Variants in ORC4 observed in about 807,000 individuals in gnomAD.
ORC4 encodes origin recognition complex subunit 4.
In ORC4, 55 loss-of-function variants were observed where a neutral mutation model predicts 63.9. That is an observed-to-expected ratio of 0.86 (90% confidence interval 0.69 to 1.08). The LOEUF (loss-of-function observed/expected upper bound fraction) is 1.08. Among genes scored for constraint, ORC4 ranks in the 50% least tolerant of loss-of-function variants. ORC4 has a pLI of 0.00. For synonymous variants in ORC4, 150 were observed against 168.5 expected (o/e 0.89, Z 0.85); for missense variants, 511 against 504.4 (o/e 1.01, Z -0.13).
intron 1 of ORC4, among the ~76,000 whole-genome samples, chr2:147,983,423 T>C (rs954904192): frequency 5.3e-5 from 8 of 152,198 alleles, no homozygotes; most frequent in Non-Finnish European, 1.0e-4. Flanking sequence ...CTTCTGATAT[T>C]GGACAATGCC....
intron 1 of ORC4, among the ~76,000 whole-genome samples, chr2:148,012,766 T>C (rs1418545297): frequency 6.6e-6 from 1 of 151,944 alleles, no homozygotes; most frequent in South Asian, 2.1e-4. Flanking sequence ...AATCTGATTT[T>C]AAAATGGGCA....
chr2:147,988,822 G>T (rs1691389609), intron 1 of ORC4, among the ~76,000 whole-genome samples: 1 of 151,496 alleles, frequency 6.6e-6, no homozygotes, highest in African/African-American at 2.4e-5. Flanking sequence ...ACTTCATCTG[G>T]AATTTTAAAA....
At chr2:147,989,203 C>A (rs369478728) in intron 1 of ORC4, among the ~76,000 whole-genome samples, 25 of 152,004 alleles carry the variant, frequency 1.6e-4, no homozygotes, top group African/African-American at 6.0e-4. Context: ...TAAAAAGGCA[C>A]GCTCTGAGTT....
At chr2:147,980,368 C>A (rs1177369745) in intron 1 of ORC4, among the ~76,000 whole-genome samples, 1 of 151,854 alleles carries the variant, frequency 6.6e-6, no homozygotes, top group South Asian at 2.1e-4. Flanking sequence ...AGGTTATACG[C>A]TAATACCATG....
rs1453272932 is a variant in ORC4 at position 147,955,454 on chromosome 2, G to T, written c.388-59C>A. 7 of 1,223,540 alleles carry T rather than the reference G, an allele frequency of 5.7e-6. No homozygotes were observed. In the Admixed American group the frequency reaches 8.8e-5, roughly 15 times the overall value. The allele number at this position is 1,223,540 out of a possible 1,614,324, so 75.8% of individuals were successfully genotyped here. Reference sequence around the variant, plus strand: ...TTTAGTGAAATAAAGAACAAAAGATGGCTGTCTGATTCTCAAATTTTATAT... The same window carrying T: ...TTTAGTGAAATAAAGAACAAAAGATTGCTGTCTGATTCTCAAATTTTATAT... On this transcript the variant is annotated intron_variant, in intron 6 of 13. Transcript: ENST00000392857.
intron 1 of ORC4, among the ~76,000 whole-genome samples, chr2:148,004,181 C>A (rs554005073): frequency 6.6e-6 from 1 of 152,008 alleles, no homozygotes; most frequent in Non-Finnish European, 1.5e-5. Context: ...ATGGCCACAC[C>A]GCCCAAAGTA....
At chr2:147,978,746 A>C (rs892740949) in intron 1 of ORC4, among the ~76,000 whole-genome samples, 1 of 152,206 alleles carries the variant, frequency 6.6e-6, no homozygotes, top group Non-Finnish European at 1.5e-5. Flanking sequence ...TCAACAGTAC[A>C]TTAGATCAAT....
chr2:147,946,642 T>C (rs1688672624), intron 9 of ORC4, among the ~76,000 whole-genome samples: 1 of 152,088 alleles, frequency 6.6e-6, no homozygotes, highest in African/African-American at 2.4e-5. Flanking sequence ...GATCCATACC[T>C]AATTATATCA....
At chr2:147,956,686 C>T (rs554603598) in intron 6 of ORC4, among the ~76,000 whole-genome samples, 33 of 152,084 alleles carry the variant, frequency 2.2e-4, no homozygotes, top group African/African-American at 4.3e-4. Context: ...TTATGTATAT[C>T]GTATCATGTT....
chr2:148,016,345 A>C (rs1018023053), intron 1 of ORC4, among the ~76,000 whole-genome samples: 11 of 152,222 alleles, frequency 7.2e-5, no homozygotes, highest in African/African-American at 2.7e-4. Context: ...GGTCTGATCC[A>C]CTACAGCTTT....
chr2:147,992,481 G>A (rs544982763), intron 1 of ORC4, among the ~76,000 whole-genome samples: 2 of 152,162 alleles, frequency 1.3e-5, no homozygotes, highest in Admixed American at 1.3e-4. Context: ...TAAGACTAGG[G>A]CACTAAAATT....
At chr2:147,974,944 G>C (rs1382555101) in intron 2 of ORC4, among the ~76,000 whole-genome samples, 4 of 151,982 alleles carry the variant, frequency 2.6e-5, no homozygotes, top group Non-Finnish European at 4.4e-5. Context: ...TGGCATAGAA[G>C]TTAAATAGGT....
Position 147,943,530 on chromosome 2 carries a change from G to GAAAAAAAAAAAAAAA in ORC4, c.763-23_763-9dup. The stretch of plus-strand genomic sequence containing the variant: ...TCTATCTTCTGAGAGATACTAAAAG[G>GAAAAAAAAAAAAAAA]AAAAAAAAAAAAAAAGCCAAAATTG... On this transcript the variant is annotated splice_polypyrimidine_tract_variant and intron_variant, in intron 9 of 13. Transcript: ENST00000392857. 8.6e-7 allele frequency: 1 copy of GAAAAAAAAAAAAAAA among 1,168,468 alleles called. No homozygotes were observed. The highest frequency in any genetic ancestry group is 1.6e-5 in the African/African-American group (1 of 60,852). The allele number at this position is 1,168,468 out of a possible 1,614,324, so 72.4% of individuals were successfully genotyped here. A position where few individuals can be genotyped will look rare whatever the true frequency, so the allele number is the denominator to read the frequency against.
intron 1 of ORC4, among the ~76,000 whole-genome samples, chr2:148,003,123 C>A (rs1231830316): frequency 6.6e-6 from 1 of 152,086 alleles, no homozygotes; most frequent in Non-Finnish European, 1.5e-5. Flanking sequence ...TAATTAATAG[C>A]CTACCAACCA....
At chr2:147,959,731 T>C (rs1689478494) in intron 4 of ORC4, among the ~76,000 whole-genome samples, 1 of 152,130 alleles carries the variant, frequency 6.6e-6, no homozygotes, top group Admixed American at 6.6e-5. Flanking sequence ...AAATTTCCTG[T>C]TATACCTGCA....
chr2:147,961,693 G>A (rs1689599251), intron 4 of ORC4, among the ~76,000 whole-genome samples: 1 of 152,088 alleles, frequency 6.6e-6, no homozygotes, highest in Non-Finnish European at 1.5e-5. Flanking sequence ...TTCCACTATA[G>A]TGAAAATAAA....
chr2:147,944,607 G>C (rs1004333096), intron 9 of ORC4, among the ~76,000 whole-genome samples: 7 of 150,814 alleles, frequency 4.6e-5, no homozygotes, highest in African/African-American at 1.7e-4. Context: ...GATGAAAAAA[G>C]AGTAAATTCA....
intron 4 of ORC4, among the ~76,000 whole-genome samples, chr2:147,963,014 T>C (rs1292821359): frequency 6.6e-6 from 1 of 152,020 alleles, no homozygotes; most frequent in Non-Finnish European, 1.5e-5. Context: ...GAACACATAC[T>C]AGGCCTGAGA....
At chr2:148,018,116 C>T (rs1392132333) in intron 1 of ORC4, among the ~76,000 whole-genome samples, 1 of 152,008 alleles carries the variant, frequency 6.6e-6, no homozygotes, top group African/African-American at 2.4e-5. Context: ...ACAAAAAAAC[C>T]TCCCAAAAAG....
Sources: allele counts gnomAD v4.1 joint callset (sites outside exome capture counted in the v4.1 genomes callset), GRCh38; gene constraint gnomAD v4.1.1; transcripts MANE v1.5; gene names NCBI Gene and HGNC (gene_info 2026-07-23, HGNC 2026-07-21).